Variants in GET4 observed in about 807,000 individuals in gnomAD.
GET4 encodes the protein Golgi to ER traffic protein 4 homolog.
GET4 carries 20 observed loss-of-function variants against 40.0 expected under a neutral mutation model. That is an observed-to-expected ratio of 0.50 (90% CI 0.35 to 0.73). The LOEUF is 0.73. Ranked by LOEUF, GET4 falls within the 30% of genes least tolerant of loss-of-function variation. GET4 has a pLI of 0.01. For synonymous variants in GET4, 280 were observed against 194.6 expected, an observed-to-expected ratio of 1.44 and a Z score of -3.65; for missense variants, 557 against 454.0, an observed-to-expected ratio of 1.23 and a Z score of -2.06.
At chr7:877,133 G>C (rs1458065352) in intron 1 of GET4, among the ~76,000 whole-genome samples, 1 of 146,014 alleles carries the variant, frequency 6.8e-6, no homozygotes, top group African/African-American at 2.6e-5. Flanking sequence ...CTGTCTCCTC[G>C]GCCGCCTCCC....
intron 5 of GET4, 120 bp downstream of exon 5, chr7:891,186 G>T (rs1016703995): frequency 1.1e-5 from 8 of 727,626 alleles, no homozygotes; most frequent in African/African-American, 5.4e-5. Flanking sequence ...GTTCACTCTG[G>T]GCAGAGCCCA....
chr7:893,889 T>C lies in GET4; in HGVS notation c.823-10T>C. 6.2e-7 allele frequency: 1 copy of C among 1,612,486 alleles called. No homozygotes were observed. Among genetic ancestry groups the C allele is most frequent in the Non-Finnish European group, 8.5e-7 (1 of 1,179,154 alleles). On this transcript the variant is annotated splice_polypyrimidine_tract_variant and intron_variant, in intron 7 of 8. Coordinates refer to ENST00000265857, the MANE Select transcript of GET4 (RefSeq NM_015949.3). ...CCACCCCCTCTGAGCCCGCTGCCTG[T>C]GCCTTGCAGTACCTCGACCGCATAG...
intron 8 of GET4, among the ~76,000 whole-genome samples, chr7:894,822 C>T (rs539168868): frequency 2.8e-4 from 42 of 152,312 alleles, no homozygotes; most frequent in Non-Finnish European, 5.3e-4. Context: ...TGGCTTTGTA[C>T]GTACAGAGTA....
At chr7:890,820 T>G in intron 4 of GET4, 108 bp from the exon 5 acceptor site, 3 of 899,860 alleles carry the variant, frequency 3.3e-6, no homozygotes, top group Non-Finnish European at 5.4e-6. Flanking sequence ...TGGGCTCTCC[T>G]CCAGGGCGGG....
At position 892,429 on chromosome 7, in the gene GET4, G is replaced by T. The variant is rs767635486; in HGVS notation, c.746+11G>T. 1.3e-6 allele frequency: 2 copies of T among 1,583,962 alleles called. No homozygotes were observed. Among genetic ancestry groups the T allele is most frequent in the South Asian group, 1.1e-5 (1 of 90,412 alleles). On this transcript the variant is annotated intron_variant, in intron 6 of 8. Transcript: ENST00000265857. ...GCTGGCTGTGGACGGGTGCGTCTTG[G>T]GATCCTGCAGGGGGAGGGGGCTGTG... is the stretch of plus-strand genomic sequence containing the variant.
intron 1 of GET4, chr7:882,026 A>G (rs1355000300): frequency 6.6e-6 from 1 of 152,192 alleles, no homozygotes; most frequent in Non-Finnish European, 1.5e-5. Context: ...TTATGGCTGC[A>G]TAGTATTCCG....
At chr7:878,186 T>C in intron 1 of GET4, 1 of 459,032 alleles carries the variant, frequency 2.2e-6, no homozygotes, top group East Asian at 7.1e-5. Context: ...GAGCTGGCTA[T>C]GCTGGGTTAA....
Position 895,425 on chromosome 7 carries a change from T to C in GET4, c.*3T>C, listed in dbSNP as rs898517302. ...GCAGCCCCATCGAGCTGGACTGAAC[T>C]GGCCAGGCCACGTGGAGACACCACG... On this transcript the variant is annotated 3_prime_UTR_variant, in exon 9 of 9. Coordinates refer to ENST00000265857, the MANE Select transcript of GET4 (RefSeq NM_015949.3). 3.9e-6 allele frequency: 6 copies of C among 1,521,318 alleles called. No individual in the cohort carries two copies. The highest frequency in any genetic ancestry group is 5.5e-6 in the Non-Finnish European group (6 of 1,099,454). 94.2% of individuals were successfully genotyped at this position (1,521,318 alleles called of 1,614,324 possible).
intron 1 of GET4, chr7:880,813 C>T (rs1050348239): frequency 4.6e-5 from 7 of 152,242 alleles, no homozygotes; most frequent in African/African-American, 1.7e-4. Context: ...CCCAGCTCTG[C>T]TTCAGAGTAT....
intron 1 of GET4, chr7:885,566 C>T (rs943208940): frequency 8.9e-5 from 14 of 156,686 alleles, no homozygotes; most frequent in African/African-American, 2.7e-4. Context: ...GGGTGTGGCA[C>T]GCAGAGGGGC....
intron 6 of GET4, among the ~76,000 whole-genome samples, chr7:892,835 G>A (rs907023804): frequency 2.0e-5 from 3 of 151,358 alleles, no homozygotes; most frequent in Non-Finnish European, 2.9e-5. Flanking sequence ...TGCAGGTGTT[G>A]CGTGTCTGGT....
Position 884,455 on chromosome 7 carries a change from A to G in GET4, c.156-1601A>G, listed in dbSNP as rs1000551998. 6.1e-6 allele frequency: 6 copies of G among 984,744 alleles called. No individual in the cohort carries two copies. The African/African-American group carries it at 6.8e-5, about 11-fold the overall frequency. 61.0% of individuals were successfully genotyped at this position (984,744 alleles called of 1,614,324 possible). On this transcript the variant is annotated intron_variant, in intron 1 of 8. Coordinates refer to ENST00000265857, the MANE Select transcript of GET4 (RefSeq NM_015949.3). ...GCACAGCAAAACCGGAGGCCTGCCA[A>G]CGGCCTGCAGGCTGACGGGGGTGCG... is the stretch of plus-strand genomic sequence containing the variant.
rs1382734223 is a variant in GET4 at position 889,655 on chromosome 7, T to TGAGCGGGTGTTAGGACGGGGTCTGGGGC, written c.467-1253_467-1226dup. Among the ~76,000 whole-genome samples the TGAGCGGGTGTTAGGACGGGGTCTGGGGC allele has an allele frequency of 1.9e-4, 25 of 129,774 alleles. 3 individuals are homozygous for TGAGCGGGTGTTAGGACGGGGTCTGGGGC. Among genetic ancestry groups the TGAGCGGGTGTTAGGACGGGGTCTGGGGC allele is most frequent in the Admixed American group, 3.8e-4 (5 of 13,178 alleles). 85.1% of individuals were successfully genotyped at this position (129,774 alleles called of 152,430 possible). A position where few individuals can be genotyped will look rare whatever the true frequency, so the allele number is the denominator to read the frequency against. The stretch of plus-strand genomic sequence containing the variant: ...ATGGGGCCTGGGAGTGGAGGGAGTG[T>TGAGCGGGTGTTAGGACGGGGTCTGGGGC]GAGCGGGTGTTAGGACGGGGTCTGG... On this transcript the variant is annotated intron_variant, in intron 4 of 8. Transcript: ENST00000265857.
rs1054823941 is a variant in GET4 at position 886,042 on chromosome 7, C to T, written c.156-14C>T. 11 of 1,556,178 alleles carry T rather than the reference C, an allele frequency of 7.1e-6. No individual in the cohort carries two copies. The highest frequency in any genetic ancestry group is 5.5e-5 in the South Asian group (5 of 90,116). ...GGCACGTGGGCGTGGCTCACGGTCTCCTCTCTGTGGCAGGTACATGTCCCA... is the reference window on the plus strand; with the variant it reads ...GGCACGTGGGCGTGGCTCACGGTCTTCTCTCTGTGGCAGGTACATGTCCCA... On this transcript the variant is annotated splice_polypyrimidine_tract_variant and intron_variant, in intron 1 of 8. Coordinates refer to ENST00000265857, the MANE Select transcript of GET4 (RefSeq NM_015949.3).
chr7:878,327 T>G (rs776148906), intron 1 of GET4: 5 of 471,198 alleles, frequency 1.1e-5, no homozygotes, highest in South Asian at 7.7e-5. Flanking sequence ...TCAGTTGTTC[T>G]GTGTGTGGCA....
At position 886,095 on chromosome 7, in the gene GET4, C is replaced by G. The variant is rs1404597187; in HGVS notation, c.195C>G (p.Leu65=). 2 of 1,610,696 alleles carry G rather than the reference C, an allele frequency of 1.2e-6. No homozygotes were observed. Among genetic ancestry groups the G allele is most frequent in the Non-Finnish European group, 1.7e-6 (2 of 1,177,968 alleles). The change falls in exon 2 of 9, where the codon CTC becomes CTG. Residue 65 remains leucine, a synonymous_variant. Coordinates refer to ENST00000265857, the MANE Select transcript of GET4 (RefSeq NM_015949.3). ...SQSKHTEARE[L]MYSGALLFFS... ...GCAAGCACACGGAGGCCCGGGAGCTCATGTACTCGGGAGCCCTGCTCTTCT... is the reference window on the plus strand; with the variant it reads ...GCAAGCACACGGAGGCCCGGGAGCTGATGTACTCGGGAGCCCTGCTCTTCT...
intron 1 of GET4, chr7:884,377 T>C (rs1460273076): frequency 2.3e-6 from 3 of 1,300,374 alleles, no homozygotes; most frequent in Non-Finnish European, 3.0e-6. Context: ...CTGTCGAGGC[T>C]CCTGCTGTGG....
intron 6 of GET4, 41 bp from the exon 7 acceptor site, chr7:893,699 G>A (rs903430660): frequency 2.9e-6 from 4 of 1,377,466 alleles, no homozygotes; most frequent in Non-Finnish European, 2.0e-6. Context: ...GTGTGGTCCT[G>A]TTCTGCTCAC....
chr7:885,966 C>T (rs1332849088), intron 1 of GET4, 90 bp from the exon 2 acceptor site: 4 of 817,710 alleles, frequency 4.9e-6, no homozygotes, highest in Non-Finnish European at 6.3e-6. Flanking sequence ...TTCCTGGGCG[C>T]CTTGTTTTTA....
Sources: gnomAD v4.1 joint callset for allele counts (sites outside exome capture counted in the v4.1 genomes callset) on GRCh38, gnomAD v4.1.1 for gene constraint, MANE v1.5 for transcripts, NCBI Gene and HGNC (gene_info 2026-07-23, HGNC 2026-07-21) for gene names.